Variants in LHFPL3 observed in about 807,000 individuals in gnomAD.
LHFPL3 encodes the protein LHFPL tetraspan subfamily member 3, also known as LHFPL tetraspan subfamily member 3 protein.
In LHFPL3, 5 loss-of-function variants were observed where a neutral mutation model predicts 19.3. The ratio of observed to expected loss-of-function variants is 0.26; its 90% CI spans 0.14 to 0.54. LHFPL3 has a LOEUF of 0.54. Ranked by LOEUF, LHFPL3 falls within the 20% of genes least tolerant of loss-of-function variation. The pLI is 0.94. For missense variants in LHFPL3, 249 were observed against 307.4 expected (o/e 0.81, Z 1.42); for synonymous variants, 133 against 126.2 (o/e 1.05, Z -0.36).
intron 1 of LHFPL3, among the ~76,000 whole-genome samples, chr7:104,547,879 A>T (rs1794601455): frequency 6.6e-6 from 1 of 152,192 alleles, no homozygotes; most frequent in Non-Finnish European, 1.5e-5. Context: ...TAATATGATG[A>T]CCAGCTATAG....
chr7:104,509,545 T>TAA (rs764570808), intron 1 of LHFPL3, among the ~76,000 whole-genome samples: 2 of 149,256 alleles, frequency 1.3e-5, no homozygotes, highest in Admixed American at 6.7e-5. Context: ...ATTCATGGTC[T>TAA]AAAAAAAAAA....
chr7:104,355,641 G>T (rs1790257994), intron 1 of LHFPL3, among the ~76,000 whole-genome samples: 1 of 152,204 alleles, frequency 6.6e-6, no homozygotes, highest in Admixed American at 6.5e-5. Context: ...TAAGGAAGGA[G>T]AACCAACCTT....
At chr7:104,814,050 A>G (rs1364557377) in intron 2 of LHFPL3, among the ~76,000 whole-genome samples, 1 of 152,224 alleles carries the variant, frequency 6.6e-6, no homozygotes, top group African/African-American at 2.4e-5. Context: ...GTGGAGGGTG[A>G]GCAAGATGAA....
chr7:104,792,548 G>A (rs190805055), intron 2 of LHFPL3, among the ~76,000 whole-genome samples: 15 of 152,228 alleles, frequency 9.9e-5, no homozygotes, highest in Admixed American at 3.9e-4. Flanking sequence ...AAGAGAGTAC[G>A]AGGCTGTATA....
At chr7:104,347,899 A>AG (rs1190798622) in intron 1 of LHFPL3, among the ~76,000 whole-genome samples, 1 of 151,570 alleles carries the variant, frequency 6.6e-6, no homozygotes, top group African/African-American at 2.4e-5. Context: ...TTAAAAAAAA[A>AG]AAACAAAATA....
intron 1 of LHFPL3, among the ~76,000 whole-genome samples, chr7:104,403,076 A>G (rs1328592305): frequency 3.9e-5 from 6 of 152,212 alleles, no homozygotes; most frequent in Non-Finnish European, 5.9e-5. Flanking sequence ...TACCTAATGC[A>G]TGCGGGGCTT....
chr7:104,547,267 A>AAAG (rs1794592799), intron 1 of LHFPL3, among the ~76,000 whole-genome samples: 1 of 25,194 alleles, frequency 4.0e-5, no homozygotes, highest in Non-Finnish European at 1.0e-4. Flanking sequence ...AAAAAAAAAA[A>AAAG]AAAGAAATAG....
chr7:104,500,148 G>A (rs1205815950), intron 1 of LHFPL3, among the ~76,000 whole-genome samples: 1 of 152,168 alleles, frequency 6.6e-6, no homozygotes, highest in African/African-American at 2.4e-5. Context: ...GGTTCCACAG[G>A]TAACCAACCC....
At chr7:104,501,405 A>G (rs890649797) in intron 1 of LHFPL3, among the ~76,000 whole-genome samples, 19 of 152,232 alleles carry the variant, frequency 1.2e-4, no homozygotes, top group African/African-American at 4.6e-4. Flanking sequence ...AGTTGCTAAT[A>G]TGATTTAAAC....
chr7:104,811,162 CTTTCTTTCTTTTCTTTTCTTTTCT>C (rs757873772), intron 2 of LHFPL3, among the ~76,000 whole-genome samples: 85 of 134,234 alleles, frequency 6.3e-4, no homozygotes, highest in East Asian at 1.1e-3. Flanking sequence ...TTCTTTCTTT[CTTTCTTTCTTTTCTTTTCTTTTCT>C]TTTCTTTTCT....
intron 1 of LHFPL3, among the ~76,000 whole-genome samples, chr7:104,509,557 C>G (rs1793770131): frequency 6.6e-6 from 1 of 151,342 alleles, no homozygotes; most frequent in Non-Finnish European, 1.5e-5. Flanking sequence ...AAAAAAAAAT[C>G]AGCAAAAAAT....
At chr7:104,588,142 C>T (rs564166432) in intron 1 of LHFPL3, among the ~76,000 whole-genome samples, 8 of 152,112 alleles carry the variant, frequency 5.3e-5, no homozygotes, top group South Asian at 2.1e-4. Context: ...TTGTCAATTT[C>T]GTTTTTTGTT....
At chr7:104,369,180 C>T (rs1465322184) in intron 1 of LHFPL3, among the ~76,000 whole-genome samples, 1 of 152,056 alleles carries the variant, frequency 6.6e-6, no homozygotes, top group Non-Finnish European at 1.5e-5. Flanking sequence ...ACCATCAACC[C>T]CCCCAAAATT....
chr7:104,432,833 A>T (rs966085869), intron 1 of LHFPL3, among the ~76,000 whole-genome samples: 4 of 152,128 alleles, frequency 2.6e-5, no homozygotes, highest in Admixed American at 6.5e-5. Context: ...TCAGCATATC[A>T]TAGATTCACA....
At position 104,328,710 on chromosome 7, in the gene LHFPL3, C is replaced by T; in HGVS notation, c.-70C>T. ...AGCGCGCGAGGCTCCGTGAGTGTGT[C>T]TCCTGCGCGCTGAGAGGCGGGGGGA... is the stretch of plus-strand genomic sequence containing the variant. On this transcript the variant is annotated 5_prime_UTR_variant, in exon 1 of 3. Coordinates refer to ENST00000424859, the MANE Select transcript of LHFPL3 (RefSeq NM_199000.3). This position sits in a 1 kb window ranked among gnomAD's most constrained non-coding sequence, Gnocchi z 4.6. 7.2e-7 allele frequency: 1 copy of T among 1,387,262 alleles called. No individual in the cohort carries two copies. Among genetic ancestry groups the T allele is most frequent in the Non-Finnish European group, 9.8e-7 (1 of 1,016,388 alleles). 85.9% of individuals were successfully genotyped at this position (1,387,262 alleles called of 1,614,324 possible).
In LHFPL3 at chr7:104,545,496, C is replaced by T. The variant is rs945504618; in HGVS notation, c.446-191179C>T. Among the ~76,000 whole-genome samples the T allele has an allele frequency of 3.3e-5, 5 of 152,262 alleles. No homozygotes were observed. The South Asian group carries it at 1.0e-3, about 32-fold the overall frequency. On this transcript the variant is annotated intron_variant, in intron 1 of 2. Coordinates refer to ENST00000424859, the MANE Select transcript of LHFPL3 (RefSeq NM_199000.3). ...GCTTGAATTACAGTATAAAGAAGGG[C>T]TCTGATACCACAGGGCAGTGTGAAG...
rs1399278768 is a variant in LHFPL3, at chr7:104,567,822, G to T, written c.446-168853G>T. 2.0e-5 allele frequency among the ~76,000 whole-genome samples: 3 copies of T among 152,164 alleles called. No homozygotes were observed. In the East Asian group the frequency reaches 5.8e-4, roughly 29 times the overall value. Reference sequence around the variant, plus strand: ...CCCTCAGCATGGACATAGTGCTACTGCAGAACTAATGGTCATGCCGCCTGC... The same window carrying T: ...CCCTCAGCATGGACATAGTGCTACTTCAGAACTAATGGTCATGCCGCCTGC... On this transcript the variant is annotated intron_variant, in intron 1 of 2. Coordinates refer to ENST00000424859, the MANE Select transcript of LHFPL3 (RefSeq NM_199000.3).
chr7:104,353,663 C>T (rs185693482), intron 1 of LHFPL3, among the ~76,000 whole-genome samples: 5 of 152,258 alleles, frequency 3.3e-5, no homozygotes, highest in East Asian at 1.9e-4. Context: ...CCTAATAGGG[C>T]GGGAAGATTG....
At chr7:104,612,157 C>CA (rs1791224123) in intron 1 of LHFPL3, among the ~76,000 whole-genome samples, 2 of 152,112 alleles carry the variant, frequency 1.3e-5, no homozygotes, top group Non-Finnish European at 2.9e-5. Context: ...AATTCAAGAC[C>CA]AGAGATTAAG....
Sources: allele counts gnomAD v4.1 joint callset (sites outside exome capture counted in the v4.1 genomes callset), GRCh38; gene constraint gnomAD v4.1.1; non-coding constraint Gnocchi (gnomAD v3.1); transcripts MANE v1.5; gene names NCBI Gene and HGNC (gene_info 2026-07-23, HGNC 2026-07-21).